CAMK1D: variants seen among roughly 807,000 people sequenced by gnomAD.
CAMK1D encodes the protein calcium/calmodulin dependent protein kinase ID.
A neutral mutation model predicts 47.7 loss-of-function variants in CAMK1D; 9 were observed. The observed-to-expected ratio is 0.19, with a 90% CI of 0.11 to 0.33. CAMK1D has a LOEUF of 0.33. Among genes scored for constraint, CAMK1D ranks in the 10% least tolerant of loss-of-function variants. The pLI is 1.00. For missense variants in CAMK1D, 291 were observed against 488.7 expected (o/e 0.60, Z 3.81); for synonymous variants, 184 against 184.9 (o/e 0.99, Z 0.04).
chr10:12,755,554 C>A lies in CAMK1D; in HGVS notation c.300-5394C>A, dbSNP rs150326046. Among the ~76,000 whole-genome samples the A allele has an allele frequency of 4.8e-3, 732 of 152,218 alleles. 9 individuals are homozygous for A. Among genetic ancestry groups the A allele is most frequent in the African/African-American group, 0.016 (664 of 41,520 alleles). On this transcript the variant is annotated intron_variant, in intron 3 of 10. Transcript: ENST00000619168. Reference sequence around the variant, plus strand: ...GCTGGGTTAAATGGTATTTCTAGTTCTAGATCCCTGAGGAATCGCCACACT... The same window carrying A: ...GCTGGGTTAAATGGTATTTCTAGTTATAGATCCCTGAGGAATCGCCACACT...
At chr10:12,776,838 C>T (rs191181937) in intron 5 of CAMK1D, among the ~76,000 whole-genome samples, 1 of 152,266 alleles carries the variant, frequency 6.6e-6, no homozygotes, top group East Asian at 1.9e-4. Context: ...AAACACGACA[C>T]CAAATAGAGG....
chr10:12,606,186 T>G (rs552055143), intron 2 of CAMK1D, among the ~76,000 whole-genome samples: 11,229 of 152,198 alleles, frequency 0.074, 934 homozygotes, highest in African/African-American at 0.2. Flanking sequence ...CCGCGGCTGC[T>G]CAGGGACCAC....
chr10:12,537,657 A>G (rs1333379953), intron 1 of CAMK1D, among the ~76,000 whole-genome samples: 1 of 152,158 alleles, frequency 6.6e-6, no homozygotes, highest in Non-Finnish European at 1.5e-5. Context: ...TCTGCTGGGC[A>G]TGATTTCTGT....
At chr10:12,394,490 T>C (rs1838863777) in intron 1 of CAMK1D, among the ~76,000 whole-genome samples, 1 of 152,196 alleles carries the variant, frequency 6.6e-6, no homozygotes, top group Non-Finnish European at 1.5e-5. Context: ...AGTCACCGCA[T>C]TGGCATAAAC....
chr10:12,563,786 T>C (rs1173792548), intron 2 of CAMK1D, among the ~76,000 whole-genome samples: 2 of 152,116 alleles, frequency 1.3e-5, no homozygotes, highest in Admixed American at 1.3e-4. Flanking sequence ...CCACCTTGTA[T>C]ACTATACATA....
intron 1 of CAMK1D, among the ~76,000 whole-genome samples, chr10:12,402,748 A>G (rs990862675): frequency 1.3e-5 from 2 of 152,102 alleles, no homozygotes; most frequent in Non-Finnish European, 2.9e-5. Context: ...TCCCTGAGGC[A>G]GTCACTTCAT....
At position 12,649,968 on chromosome 10, in the gene CAMK1D, G is replaced by A. The variant is rs189038184; in HGVS notation, c.225-16768G>A. ...AGGGTTTCCCAGGAACGATTTCACCGTGTTCAACTTCAGCATCTCTGCAAG... is the reference window on the plus strand; with the variant it reads ...AGGGTTTCCCAGGAACGATTTCACCATGTTCAACTTCAGCATCTCTGCAAG... On this transcript the variant is annotated intron_variant, in intron 2 of 10. Coordinates refer to ENST00000619168, the MANE Select transcript of CAMK1D (RefSeq NM_153498.4). Among the ~76,000 whole-genome samples the A allele has an allele frequency of 6.3e-3, 967 of 152,304 alleles. 7 individuals carry two copies. Among genetic ancestry groups the A allele is most frequent in the African/African-American group, 0.021 (890 of 41,560 alleles).
At chr10:12,532,721 GA>G (rs1184921400) in intron 1 of CAMK1D, among the ~76,000 whole-genome samples, 7 of 152,094 alleles carry the variant, frequency 4.6e-5, no homozygotes, top group Admixed American at 3.9e-4. Context: ...GATGGATAAC[GA>G]AAACCTGGTA....
intron 2 of CAMK1D, among the ~76,000 whole-genome samples, chr10:12,575,248 G>A (rs1265728784): frequency 6.6e-5 from 10 of 151,750 alleles, no homozygotes; most frequent in Admixed American, 3.9e-4. Context: ...TCCTGCCACC[G>A]GGCCCGGCTA....
intron 1 of CAMK1D, among the ~76,000 whole-genome samples, chr10:12,387,424 ATTTTATATATTATATATATTTTAT>A (rs1838553386): frequency 1.4e-5 from 1 of 73,118 alleles, no homozygotes; most frequent in African/African-American, 4.5e-5. Flanking sequence ...TATTTTATAT[ATTTTATATATTATATATATTTTAT>A]ATATATATAT....
chr10:12,639,953 A>G (rs1333304725), intron 2 of CAMK1D, among the ~76,000 whole-genome samples: 2 of 152,226 alleles, frequency 1.3e-5, no homozygotes, highest in African/African-American at 4.8e-5. Context: ...CTGCTCGCAC[A>G]ATTGCTGATT....
At chr10:12,631,209 T>C (rs921517084) in intron 2 of CAMK1D, among the ~76,000 whole-genome samples, 5 of 152,202 alleles carry the variant, frequency 3.3e-5, no homozygotes, top group African/African-American at 9.7e-5. Flanking sequence ...TTTCAGACTA[T>C]TGAGTGTGAC....
chr10:12,718,292 C>A (rs1045985815), intron 3 of CAMK1D, among the ~76,000 whole-genome samples: 1 of 152,128 alleles, frequency 6.6e-6, no homozygotes, highest in Non-Finnish European at 1.5e-5. Context: ...TATTTGGTTT[C>A]TTTTAAGCAG....
intron 2 of CAMK1D, among the ~76,000 whole-genome samples, chr10:12,572,039 A>ACCCC (rs3062649): frequency 7.1e-6 from 1 of 139,948 alleles, no homozygotes; most frequent in African/African-American, 2.7e-5. Flanking sequence ...CAAAAACTAA[A>ACCCC]CCCCCCCCCA....
intron 3 of CAMK1D, among the ~76,000 whole-genome samples, chr10:12,746,371 A>G (rs968471978): frequency 6.6e-6 from 1 of 151,708 alleles, no homozygotes; most frequent in African/African-American, 2.4e-5. Context: ...CTCAAAAAAA[A>G]AAAAAAAAGT....
intron 1 of CAMK1D, among the ~76,000 whole-genome samples, chr10:12,392,449 T>A (rs1838770760): frequency 6.6e-6 from 1 of 152,170 alleles, no homozygotes; most frequent in Admixed American, 6.5e-5. Flanking sequence ...ATAAGTAGCA[T>A]CATACAGTAC....
intron 3 of CAMK1D, among the ~76,000 whole-genome samples, chr10:12,732,112 G>T (rs528472019): frequency 6.6e-6 from 1 of 152,092 alleles, no homozygotes; most frequent in South Asian, 2.1e-4. Flanking sequence ...GTGGTGGCGC[G>T]TGCCTGTAAT....
chr10:12,355,398 C>T (rs1330230021), intron 1 of CAMK1D, among the ~76,000 whole-genome samples: 1 of 152,026 alleles, frequency 6.6e-6, no homozygotes, highest in Non-Finnish European at 1.5e-5. Flanking sequence ...ATTGGTTTGT[C>T]TGAAAGTCCA....
chr10:12,646,336 A>G (rs1426454329), intron 2 of CAMK1D, among the ~76,000 whole-genome samples: 2 of 152,194 alleles, frequency 1.3e-5, no homozygotes, highest in African/African-American at 4.8e-5. Context: ...ATTTTTACAA[A>G]TCTTGTTATA....
Sources: gnomAD v4.1 joint callset for allele counts (sites outside exome capture counted in the v4.1 genomes callset) on GRCh38, gnomAD v4.1.1 for gene constraint, MANE v1.5 for transcripts, NCBI Gene and HGNC (gene_info 2026-07-23, HGNC 2026-07-21) for gene names.